CA10: variants seen among roughly 807,000 people sequenced by gnomAD.
CA10 encodes carbonic anhydrase 10 (inactive).
CA10 carries 14 observed loss-of-function variants against 44.2 expected under a neutral mutation model. The observed-to-expected ratio is 0.32, with a 90% CI of 0.21 to 0.50. The LOEUF is 0.50. Among genes scored for constraint, CA10 ranks in the 20% least tolerant of loss-of-function variants. CA10 has a pLI of 0.99. For missense variants in CA10, 350 were observed against 409.7 expected (o/e 0.85, Z 1.26); for synonymous variants, 159 against 141.6 (o/e 1.12, Z -0.87).
intron 3 of CA10, among the ~76,000 whole-genome samples, chr17:51,833,333 A>G (rs1908354818): frequency 6.6e-6 from 1 of 152,154 alleles, no homozygotes; most frequent in South Asian, 2.1e-4. Flanking sequence ...TCCCTCCAAC[A>G]TGACACAGAT....
rs1159970700 is a variant in CA10 at position 51,630,533 on chromosome 17, G to T, written c.*1051C>A. The T allele has an allele frequency of 6.6e-6, 1 of 152,646 alleles. No homozygotes were observed. Among genetic ancestry groups the T allele is most frequent in the Non-Finnish European group, 1.5e-5 (1 of 68,058 alleles). 9.5% of individuals were successfully genotyped at this position (152,646 alleles called of 1,614,324 possible). A position where few individuals can be genotyped will look rare whatever the true frequency, so the allele number is the denominator to read the frequency against. On this transcript the variant is annotated 3_prime_UTR_variant, in exon 9 of 9. Coordinates refer to ENST00000451037, the MANE Select transcript of CA10 (RefSeq NM_020178.5). ...GCATGGCAGTTTTGAAACGCAAGAA[G>T]TCTGTCGCCTGCTATCTCAGGCTGA...
intron 2 of CA10, among the ~76,000 whole-genome samples, chr17:52,046,975 A>G (rs755774919): frequency 2.6e-5 from 4 of 151,982 alleles, no homozygotes; most frequent in Non-Finnish European, 5.9e-5. Flanking sequence ...TCTCCTAGGT[A>G]TTTAATCAAG....
At chr17:51,655,845 G>C (rs2143292698) in intron 4 of CA10, among the ~76,000 whole-genome samples, 1 of 152,316 alleles carries the variant, frequency 6.6e-6, no homozygotes, top group East Asian at 1.9e-4. Flanking sequence ...TTTGCTTATT[G>C]CTTTTTCACC....
intron 2 of CA10, among the ~76,000 whole-genome samples, chr17:52,061,288 C>T (rs1037798423): frequency 1.4e-4 from 21 of 152,100 alleles, no homozygotes; most frequent in African/African-American, 4.6e-4. Context: ...GAAGCACAGG[C>T]TGGAGCCATG....
intron 2 of CA10, among the ~76,000 whole-genome samples, chr17:52,055,589 A>G (rs1269000284): frequency 6.6e-6 from 1 of 152,102 alleles, no homozygotes; most frequent in African/African-American, 2.4e-5. Flanking sequence ...CTGATTAAAA[A>G]TCAAGACTGT....
At chr17:51,915,395 A>G (rs1415797082) in intron 3 of CA10, among the ~76,000 whole-genome samples, 1 of 152,306 alleles carries the variant, frequency 6.6e-6, no homozygotes, top group Non-Finnish European at 1.5e-5. Flanking sequence ...CCTTTGGTTA[A>G]TAGATTGATT....
chr17:51,765,528 G>T (rs1905340321), intron 3 of CA10, among the ~76,000 whole-genome samples: 1 of 152,194 alleles, frequency 6.6e-6, no homozygotes. Context: ...ATCCCATGGG[G>T]TTTGTGTGGC....
At chr17:51,855,378 T>A (rs1049032185) in intron 3 of CA10, among the ~76,000 whole-genome samples, 3 of 152,170 alleles carry the variant, frequency 2.0e-5, no homozygotes, top group Non-Finnish European at 2.9e-5. Flanking sequence ...ACCATCCTTT[T>A]AAGAAATAAA....
At chr17:51,849,498 T>C (rs901749388) in intron 3 of CA10, among the ~76,000 whole-genome samples, 8 of 151,874 alleles carry the variant, frequency 5.3e-5, no homozygotes, top group Non-Finnish European at 1.2e-4. Context: ...GAAAGATCTG[T>C]GATCAGTAGA....
intron 3 of CA10, among the ~76,000 whole-genome samples, chr17:51,776,248 G>A (rs946637316): frequency 6.6e-6 from 1 of 152,126 alleles, no homozygotes; most frequent in African/African-American, 2.4e-5. Flanking sequence ...CTGACCTGGT[G>A]TGAGTAGCCC....
chr17:52,051,471 G>T (rs921410047), intron 2 of CA10, among the ~76,000 whole-genome samples: 1 of 150,146 alleles, frequency 6.7e-6, no homozygotes, highest in Non-Finnish European at 1.5e-5. Flanking sequence ...ACTCCATGAA[G>T]AAGCGGGCAA....
chr17:51,815,381 C>A (rs995827903), intron 3 of CA10, among the ~76,000 whole-genome samples: 1 of 152,158 alleles, frequency 6.6e-6, no homozygotes, highest in African/African-American at 2.4e-5. Flanking sequence ...TGTTCCGTTG[C>A]CTGAGAGTCA....
intron 4 of CA10, among the ~76,000 whole-genome samples, chr17:51,695,105 G>T (rs915675167): frequency 1.3e-5 from 2 of 152,072 alleles, no homozygotes; most frequent in African/African-American, 4.8e-5. Flanking sequence ...CTCCAGCTTT[G>T]TTCTTTTTGC....
At chr17:51,771,946 C>T (rs963775486) in intron 3 of CA10, among the ~76,000 whole-genome samples, 2 of 152,148 alleles carry the variant, frequency 1.3e-5, no homozygotes, top group Admixed American at 6.5e-5. Flanking sequence ...GAGGACAAAG[C>T]CTCTCACAGA....
chr17:51,720,526 G>A (rs76576888), intron 4 of CA10, among the ~76,000 whole-genome samples: 165 of 152,228 alleles, frequency 1.1e-3, no homozygotes, highest in African/African-American at 3.8e-3. Flanking sequence ...AACAACAAAT[G>A]TCCATCAACA....
At chr17:51,682,722 C>T (rs1914885362) in intron 4 of CA10, among the ~76,000 whole-genome samples, 2 of 152,154 alleles carry the variant, frequency 1.3e-5, no homozygotes, top group African/African-American at 4.8e-5. Context: ...ACATTGGAAA[C>T]AGAAGCTTGT....
chr17:51,865,067 C>T (rs1467050528), intron 3 of CA10, among the ~76,000 whole-genome samples: 1 of 152,118 alleles, frequency 6.6e-6, no homozygotes, highest in Non-Finnish European at 1.5e-5. Context: ...TGGACTTTCC[C>T]TCTGAGGTCC....
In CA10 at chr17:51,915,966, TA is replaced by T. The variant is rs35032280; in HGVS notation, c.279+15023del. On this transcript the variant is annotated intron_variant, in intron 3 of 8. Coordinates refer to ENST00000451037, the MANE Select transcript of CA10 (RefSeq NM_020178.5). ...TCCTCACTGCTATTAAGATTTTGGTTAAAAAAAAAAAAACCTTACCTTTTAG... is the reference window on the plus strand; with the variant it reads ...TCCTCACTGCTATTAAGATTTTGGTTAAAAAAAAAAAACCTTACCTTTTAG... Among the ~76,000 whole-genome samples the T allele has an allele frequency of 3.2e-3, 461 of 144,074 alleles. 4 individuals are homozygous for T. Among genetic ancestry groups the T allele is most frequent in the South Asian group, 0.026 (117 of 4,566 alleles). 94.5% of individuals were successfully genotyped at this position (144,074 alleles called of 152,430 possible).
At chr17:51,740,787 G>C (rs1904424575) in intron 4 of CA10, among the ~76,000 whole-genome samples, 1 of 152,030 alleles carries the variant, frequency 6.6e-6, no homozygotes, top group South Asian at 2.1e-4. Flanking sequence ...CCTCTGCCTG[G>C]AATGTCCTTC....
Sources: allele counts gnomAD v4.1 joint callset (sites outside exome capture counted in the v4.1 genomes callset), GRCh38; gene constraint gnomAD v4.1.1; transcripts MANE v1.5; gene names NCBI Gene and HGNC (gene_info 2026-07-23, HGNC 2026-07-21).